The following FHIP1A variants were observed in gnomAD, a reference collection of about 807,000 sequenced individuals.
FHIP1A encodes FHF complex subunit HOOK interacting protein 1A, also known as FHF complex subunit HOOK-interacting protein 1A.
FHIP1A carries 61 observed loss-of-function variants against 88.6 expected under a neutral mutation model. The ratio of observed to expected loss-of-function variants is 0.69; its 90% CI spans 0.56 to 0.85. The LOEUF (loss-of-function observed/expected upper bound fraction) is 0.85. Among genes scored for constraint, FHIP1A ranks in the 40% least tolerant of loss-of-function variants. FHIP1A has a pLI of 0.00. For missense variants in FHIP1A, 1,154 were observed against 1,273.5 expected (o/e 0.91, Z 1.43); for synonymous variants, 478 against 496.0 (o/e 0.96, Z 0.48).
chr4:151,424,542 T>A (rs1164812620), intron 1 of FHIP1A, among the ~76,000 whole-genome samples: 1 of 152,152 alleles, frequency 6.6e-6, no homozygotes, highest in Admixed American at 6.5e-5. Flanking sequence ...TTGAAGTAGT[T>A]GGTTTAGGAG....
Position 151,649,440 on chromosome 4 carries a change from G to C in FHIP1A, c.1418-19G>C. 1 of 1,525,910 alleles carries C rather than the reference G, an allele frequency of 6.6e-7. No individual in the cohort carries two copies. The highest frequency in any genetic ancestry group is 8.8e-7 in the Non-Finnish European group (1 of 1,131,902). 94.5% of individuals were successfully genotyped at this position (1,525,910 alleles called of 1,614,324 possible). ...CCCCACACCTCCCTTGTTCTAACCA[G>C]CCTCTGCCTCCTGTGCAGGGCCTGT... On this transcript the variant is annotated intron_variant, in intron 10 of 13. Coordinates refer to ENST00000435205, the MANE Select transcript of FHIP1A (RefSeq NM_001109977.3).
At chr4:151,589,372 C>G (rs552452256) in intron 7 of FHIP1A, among the ~76,000 whole-genome samples, 14 of 152,264 alleles carry the variant, frequency 9.2e-5, no homozygotes, top group African/African-American at 3.4e-4. Flanking sequence ...AATTTTGTGA[C>G]AGCAAAAATT....
chr4:151,631,870 C>T (rs1013196370), intron 8 of FHIP1A, among the ~76,000 whole-genome samples: 2 of 152,050 alleles, frequency 1.3e-5, no homozygotes, highest in African/African-American at 4.8e-5. Flanking sequence ...GTTCTGTCTG[C>T]TTATTGGGAA....
rs550417556 is a variant in FHIP1A at position 151,523,385 on chromosome 4, A to G, written c.-123+40737A>G. Among the ~76,000 whole-genome samples the G allele has an allele frequency of 2.6e-5, 4 of 152,272 alleles. No individual in the cohort carries two copies. In the East Asian group the frequency reaches 7.7e-4, roughly 29 times the overall value. On this transcript the variant is annotated intron_variant, in intron 3 of 13. Coordinates refer to ENST00000435205, the MANE Select transcript of FHIP1A (RefSeq NM_001109977.3). ...TGTTCATTTATTGTATAAAATGGTTATTGTGTGAAGTTTACATTCCTCCCT... is the reference window on the plus strand; with the variant it reads ...TGTTCATTTATTGTATAAAATGGTTGTTGTGTGAAGTTTACATTCCTCCCT...
chr4:151,458,197 C>G (rs1433194105), intron 2 of FHIP1A, among the ~76,000 whole-genome samples: 1 of 152,176 alleles, frequency 6.6e-6, no homozygotes, highest in Non-Finnish European at 1.5e-5. Context: ...TTGTCTAACT[C>G]AGAATCATGA....
chr4:151,470,931 A>G (rs892756123), intron 2 of FHIP1A, among the ~76,000 whole-genome samples: 1 of 152,132 alleles, frequency 6.6e-6, no homozygotes, highest in African/African-American at 2.4e-5. Flanking sequence ...CAGGGACAGT[A>G]GGTGTGATGT....
rs1352762582 is a variant in FHIP1A at position 151,665,916 on chromosome 4, G to A, written c.*3162G>A. Among the ~76,000 whole-genome samples the A allele has an allele frequency of 6.6e-6, 1 of 152,214 alleles. No homozygotes were observed. Among genetic ancestry groups the A allele is most frequent in the Admixed American group, 6.5e-5 (1 of 15,286 alleles). On this transcript the variant is annotated 3_prime_UTR_variant, in exon 14 of 14. Transcript: ENST00000435205. ...GTGCTCCTTGCTGGAAGAATGTAGG[G>A]GAAGAGAAACCGTGGGTACCGCCCG... is the stretch of plus-strand genomic sequence containing the variant.
intron 1 of FHIP1A, among the ~76,000 whole-genome samples, chr4:151,418,989 T>C (rs1177584646): frequency 6.6e-6 from 1 of 152,226 alleles, no homozygotes; most frequent in Non-Finnish European, 1.5e-5. Context: ...TCACCTATCA[T>C]GGTCTCTGTT....
At chr4:151,421,469 A>G (rs1310677724) in intron 1 of FHIP1A, among the ~76,000 whole-genome samples, 1 of 152,102 alleles carries the variant, frequency 6.6e-6, no homozygotes, top group East Asian at 1.9e-4. Context: ...GTCTTTTTAA[A>G]ATTTAAAAAA....
rs1245073981 is a variant in FHIP1A, at chr4:151,665,177, T to C, written c.*2423T>C. On this transcript the variant is annotated 3_prime_UTR_variant, in exon 14 of 14. Transcript: ENST00000435205. ...TAGTTTGTAGAGATGGGGTTTCACC[T>C]TGTTGCCCAGGCTGGTCTTAAAGTC... is the stretch of plus-strand genomic sequence containing the variant. 6.6e-6 allele frequency among the ~76,000 whole-genome samples: 1 copy of C among 152,144 alleles called. No homozygotes were observed. Among genetic ancestry groups the C allele is most frequent in the East Asian group, 1.9e-4 (1 of 5,188 alleles).
chr4:151,629,438 T>C (rs1380415403), intron 7 of FHIP1A, among the ~76,000 whole-genome samples: 18 of 152,236 alleles, frequency 1.2e-4, no homozygotes, highest in Admixed American at 1.2e-3. Context: ...TTGAACTGCA[T>C]TTGATGATTA....
At chr4:151,516,342 A>G (rs1731235605) in intron 3 of FHIP1A, among the ~76,000 whole-genome samples, 1 of 151,936 alleles carries the variant, frequency 6.6e-6, no homozygotes, top group Admixed American at 6.6e-5. Flanking sequence ...TAAAACCATA[A>G]AAACCCTAGA....
Position 151,668,206 on chromosome 4 carries a change from C to T in FHIP1A, c.*5452C>T, listed in dbSNP as rs1178387055. Among the ~76,000 whole-genome samples the T allele has an allele frequency of 1.3e-5, 2 of 152,188 alleles. No homozygotes were observed. Among genetic ancestry groups the T allele is most frequent in the African/African-American group, 4.8e-5 (2 of 41,448 alleles). Reference sequence around the variant, plus strand: ...ACCTGCTGAAGAGGCATGGCAGCCACTTCCATGCTGCTTTTGGTAATGGGT... The same window carrying T: ...ACCTGCTGAAGAGGCATGGCAGCCATTTCCATGCTGCTTTTGGTAATGGGT... On this transcript the variant is annotated 3_prime_UTR_variant, in exon 14 of 14. Coordinates refer to ENST00000435205, the MANE Select transcript of FHIP1A (RefSeq NM_001109977.3).
intron 7 of FHIP1A, among the ~76,000 whole-genome samples, chr4:151,620,218 G>C (rs1735685675): frequency 6.6e-6 from 1 of 152,224 alleles, no homozygotes; most frequent in South Asian, 2.1e-4. Flanking sequence ...TGAGGGTGCA[G>C]ATAGGAGAGA....
chr4:151,504,544 A>C (rs1449876103), intron 3 of FHIP1A, among the ~76,000 whole-genome samples: 1 of 151,662 alleles, frequency 6.6e-6, no homozygotes, highest in African/African-American at 2.4e-5. Flanking sequence ...TTATTAGCTC[A>C]TCTAGCTGGG....
At chr4:151,510,613 T>C (rs1730992898) in intron 3 of FHIP1A, among the ~76,000 whole-genome samples, 1 of 152,222 alleles carries the variant, frequency 6.6e-6, no homozygotes, top group African/African-American at 2.4e-5. Flanking sequence ...GATCTTACTA[T>C]AGTCGGGATT....
intron 11 of FHIP1A, among the ~76,000 whole-genome samples, chr4:151,654,184 G>T (rs1737142445): frequency 6.6e-6 from 1 of 151,848 alleles, no homozygotes; most frequent in South Asian, 2.1e-4. Flanking sequence ...ATTAGCAGAT[G>T]CTAATTATAA....
chr4:151,601,802 A>G (rs773560302), intron 7 of FHIP1A, among the ~76,000 whole-genome samples: 5 of 151,548 alleles, frequency 3.3e-5, no homozygotes, highest in Non-Finnish European at 5.9e-5. Context: ...CTTGAGTCAC[A>G]TTTTATATTA....
chr4:151,577,786 A>C lies in FHIP1A; in HGVS notation c.442A>C (p.Ser148Arg), dbSNP rs1733855894. 1.3e-6 allele frequency: 2 copies of C among 1,551,972 alleles called. No homozygotes were observed. Among genetic ancestry groups the C allele is most frequent in the Non-Finnish European group, 1.7e-6 (2 of 1,147,064 alleles). ...TCTGAAGCCTCTGATGATGTTGCTG[A>C]GCTCTTGTTCAGGAACAACCACCCC... is the stretch of plus-strand genomic sequence containing the variant. Reference protein sequence around the residue: ...PILKPLMMLLSSCSGTTTPTV... With the variant: ...PILKPLMMLLRSCSGTTTPTV... Residue 148 changes from serine (S) to arginine (R), a missense_variant, in exon 5 of 14, where the codon AGC (serine) becomes CGC (arginine). By Grantham distance (110) the Ser-to-Arg change is moderately radical. Coordinates refer to ENST00000435205, the MANE Select transcript of FHIP1A (RefSeq NM_001109977.3).
Sources: gnomAD v4.1 joint callset for allele counts (sites outside exome capture counted in the v4.1 genomes callset) on GRCh38, gnomAD v4.1.1 for gene constraint, MANE v1.5 for transcripts, NCBI Gene and HGNC (gene_info 2026-07-23, HGNC 2026-07-21) for gene names.